Variants in SCAPER observed in about 807,000 individuals in gnomAD.
SCAPER encodes S-phase cyclin A associated protein in the ER.
SCAPER carries 98 observed loss-of-function variants against 182.2 expected under a neutral mutation model. The observed-to-expected ratio is 0.54, with a 90% CI of 0.46 to 0.64. SCAPER has a LOEUF of 0.64. Ranked by LOEUF, SCAPER falls within the 30% of genes least tolerant of loss-of-function variation. The pLI, the probability that SCAPER is intolerant of heterozygous loss-of-function variation, is 0.00. For missense variants in SCAPER, 1,432 were observed against 1,690.0 expected, an observed-to-expected ratio of 0.85 and a Z score of 2.68; for synonymous variants, 605 against 564.6, an observed-to-expected ratio of 1.07 and a Z score of -1.01.
intron 5 of SCAPER, among the ~76,000 whole-genome samples, chr15:76,806,434 T>C (rs28773865): frequency 6.6e-6 from 1 of 152,202 alleles, no homozygotes; most frequent in Admixed American, 6.5e-5. Context: ...CAGAATTTGA[T>C]TATTGTGGTT....
At chr15:76,381,231 A>C (rs937403567) in intron 28 of SCAPER, 147 bp downstream of exon 28, 25 of 427,220 alleles carry the variant, frequency 5.9e-5, no homozygotes, top group Non-Finnish European at 8.6e-5. Context: ...AGAAAATAGT[A>C]GTTTAATAAA....
At chr15:76,718,684 T>C (rs2060027023) in intron 17 of SCAPER, among the ~76,000 whole-genome samples, 1 of 150,806 alleles carries the variant, frequency 6.6e-6, no homozygotes, top group Admixed American at 6.6e-5. Flanking sequence ...GAAAAATATA[T>C]ATATTTAAAA....
At chr15:76,405,624 A>G (rs2044773142) in intron 26 of SCAPER, among the ~76,000 whole-genome samples, 1 of 152,214 alleles carries the variant, frequency 6.6e-6, no homozygotes, top group African/African-American at 2.4e-5. Context: ...GACAACAGTA[A>G]CTCTTTTATT....
In SCAPER at chr15:76,752,473, A is replaced by G. The variant is rs1598515795; in HGVS notation, c.1866+1335T>C. 6.6e-5 allele frequency among the ~76,000 whole-genome samples: 10 copies of G among 151,952 alleles called. No homozygotes were observed. The East Asian group carries it at 1.9e-3, about 29-fold the overall frequency. ...TGTTCACAATAGCTAAAATGTAGTA[A>G]TAACTCAAATGTCCATTGAGGTATG... On this transcript the variant is annotated intron_variant, in intron 15 of 31. Transcript: ENST00000563290.
intron 25 of SCAPER, among the ~76,000 whole-genome samples, chr15:76,465,173 T>C (rs2049506726): frequency 6.6e-6 from 1 of 152,180 alleles, no homozygotes; most frequent in Admixed American, 6.6e-5. Context: ...AATACTGTTA[T>C]AAACAACAAA....
intron 24 of SCAPER, among the ~76,000 whole-genome samples, chr15:76,473,303 C>T (rs2050343778): frequency 6.6e-6 from 1 of 152,188 alleles, no homozygotes; most frequent in Admixed American, 6.5e-5. Context: ...ATTATCTGCC[C>T]ATGTCCTGCC....
intron 26 of SCAPER, among the ~76,000 whole-genome samples, chr15:76,405,042 C>T (rs1361686984): frequency 6.6e-6 from 1 of 151,878 alleles, no homozygotes; most frequent in Non-Finnish European, 1.5e-5. Context: ...TACTAGGTAG[C>T]CCCAATGCAA....
intron 7 of SCAPER, among the ~76,000 whole-genome samples, chr15:76,799,251 T>C (rs529293165): frequency 3.0e-4 from 45 of 152,214 alleles, no homozygotes; most frequent in Non-Finnish European, 5.7e-4. Flanking sequence ...ATTGAATATA[T>C]TCCATGTCCT....
intron 21 of SCAPER, among the ~76,000 whole-genome samples, chr15:76,647,318 A>G (rs2054628730): frequency 6.6e-6 from 1 of 152,228 alleles, no homozygotes; most frequent in Non-Finnish European, 1.5e-5. Flanking sequence ...TCCAGCCATG[A>G]TTGAGTAACT....
intron 9 of SCAPER, 137 bp from the exon 10 acceptor site, chr15:76,772,091 A>T (rs1392159306): frequency 3.0e-6 from 2 of 658,994 alleles, no homozygotes; most frequent in African/African-American, 3.7e-5. Context: ...AAATTTACTC[A>T]TCTTTTTTGT....
At chr15:76,856,321 T>C (rs944945369) in intron 4 of SCAPER, among the ~76,000 whole-genome samples, 4 of 152,006 alleles carry the variant, frequency 2.6e-5, no homozygotes, top group East Asian at 1.9e-4. Flanking sequence ...CTAGGCTTCA[T>C]ACCTGCGTGA....
chr15:76,743,470 A>AT (rs1477606157), intron 15 of SCAPER, among the ~76,000 whole-genome samples: 1 of 152,212 alleles, frequency 6.6e-6, no homozygotes, highest in Non-Finnish European at 1.5e-5. Context: ...ATAAAAATCA[A>AT]TGTACAAAAA....
intron 24 of SCAPER, among the ~76,000 whole-genome samples, chr15:76,500,416 G>C (rs1457744544): frequency 2.0e-5 from 3 of 152,184 alleles, no homozygotes; most frequent in African/African-American, 4.8e-5. Context: ...ACAACCTGGG[G>C]AAGACTCTTT....
chr15:76,897,379 T>C (rs962072031), intron 1 of SCAPER, among the ~76,000 whole-genome samples: 1 of 152,084 alleles, frequency 6.6e-6, no homozygotes, highest in Non-Finnish European at 1.5e-5. Context: ...TTACAGGCCT[T>C]TTCCTCCAAA....
At chr15:76,705,780 T>C (rs2059232392) in intron 18 of SCAPER, 123 bp downstream of exon 18, 1 of 651,672 alleles carries the variant, frequency 1.5e-6, no homozygotes, top group Admixed American at 3.6e-5. Flanking sequence ...AGCAAAATCA[T>C]ATAAGCTTTG....
intron 22 of SCAPER, among the ~76,000 whole-genome samples, chr15:76,618,210 A>T (rs1242048128): frequency 6.6e-6 from 1 of 152,206 alleles, no homozygotes; most frequent in Non-Finnish European, 1.5e-5. Flanking sequence ...CAGTGAGTCG[A>T]GATCACGCCA....
chr15:76,505,154 G>A (rs946446821), intron 23 of SCAPER, among the ~76,000 whole-genome samples, 180 bp from the exon 24 acceptor site: 2 of 152,126 alleles, frequency 1.3e-5, no homozygotes, highest in Admixed American at 6.6e-5. Flanking sequence ...AGGTCAAAAG[G>A]AGTGAGCATA....
chr15:76,673,832 A>G (rs1372461614), intron 20 of SCAPER, among the ~76,000 whole-genome samples: 1 of 152,096 alleles, frequency 6.6e-6, no homozygotes, highest in Non-Finnish European at 1.5e-5. Context: ...GGACTTGAAA[A>G]CAAACTCTAA....
intron 21 of SCAPER, among the ~76,000 whole-genome samples, chr15:76,656,516 T>C (rs978792581): frequency 2.6e-5 from 4 of 152,082 alleles, no homozygotes; most frequent in Admixed American, 2.6e-4. Flanking sequence ...ACAATGATAT[T>C]CGGGGCCTGA....
Sources: gnomAD v4.1 joint callset for allele counts (sites outside exome capture counted in the v4.1 genomes callset) on GRCh38, gnomAD v4.1.1 for gene constraint, MANE v1.5 for transcripts, NCBI Gene and HGNC (gene_info 2026-07-23, HGNC 2026-07-21) for gene names.